Variants in NAP1L4 observed in about 807,000 individuals in gnomAD.
The protein encoded by NAP1L4 is nucleosome assembly protein 1 like 4.
A neutral mutation model predicts 58.2 loss-of-function variants in NAP1L4; 15 were observed. The ratio of observed to expected loss-of-function variants is 0.26; its 90% CI spans 0.17 to 0.40. The LOEUF is 0.40. NAP1L4 is among the 10% of genes least tolerant of loss of function. The pLI, the probability that NAP1L4 is intolerant of heterozygous loss-of-function variation, is 1.00. For synonymous variants in NAP1L4, 171 were observed against 155.6 expected (o/e 1.10, Z -0.74); for missense variants, 384 against 451.1 (o/e 0.85, Z 1.35).
Position 2,971,418 on chromosome 11 carries a change from A to G in NAP1L4, c.402+30T>C, listed in dbSNP as rs1304856896. 15 of 1,591,656 alleles carry G rather than the reference A, an allele frequency of 9.4e-6. No individual in the cohort carries two copies. The highest frequency in any genetic ancestry group is 1.3e-5 in the Non-Finnish European group (15 of 1,161,576). ...CTTATTTTTAACAGTATTAAAACAG[A>G]ACATGAGTCACATGTTTCTAAAGAC... On this transcript the variant is annotated intron_variant, in intron 6 of 15. Transcript: ENST00000380542. The surrounding 1 kb of genome is among the most constrained non-coding windows in gnomAD (Gnocchi z 4.2).
chr11:2,950,045 G>A (rs954773680), intron 14 of NAP1L4, among the ~76,000 whole-genome samples: 2 of 152,240 alleles, frequency 1.3e-5, no homozygotes, highest in Admixed American at 1.3e-4. Flanking sequence ...GCACAGCAGT[G>A]ATGGGCAGCA....
intron 7 of NAP1L4, among the ~76,000 whole-genome samples, chr11:2,967,715 C>T (rs915496771): frequency 6.6e-6 from 1 of 151,996 alleles, no homozygotes; most frequent in African/African-American, 2.4e-5. Flanking sequence ...TTTCCTCATT[C>T]TCTGCATATT....
At chr11:2,947,579 A>G (rs11024708) in intron 15 of NAP1L4, among the ~76,000 whole-genome samples, 44,102 of 152,010 alleles carry the variant, frequency 0.29, 7,614 homozygotes, top group East Asian at 0.69. Flanking sequence ...AATTTTACAT[A>G]TGAGAGACAC....
At chr11:2,961,259 C>T (rs911266394) in intron 8 of NAP1L4, among the ~76,000 whole-genome samples, 2 of 152,042 alleles carry the variant, frequency 1.3e-5, no homozygotes, top group African/African-American at 4.8e-5. Context: ...GGCATGAGGG[C>T]TTAGGAAGTC....
intron 4 of NAP1L4, among the ~76,000 whole-genome samples, chr11:2,974,271 C>T (rs1847824287): frequency 6.6e-6 from 1 of 152,132 alleles, no homozygotes; most frequent in Non-Finnish European, 1.5e-5. Context: ...ACAAACTGGA[C>T]CCTAGTGTGC....
In NAP1L4 at chr11:2,972,251, A is replaced by G; in HGVS notation, c.174-8T>C. ...TTTACTGCTTTAGGTAAACTAAAAA[A>G]GGGAGTAAGAAATACAACATCCTCA... On this transcript the variant is annotated splice_region_variant and splice_polypyrimidine_tract_variant and intron_variant, in intron 4 of 15. Coordinates refer to ENST00000380542, the MANE Select transcript of NAP1L4 (RefSeq NM_005969.4). The G allele has an allele frequency of 6.3e-7, 1 of 1,594,944 alleles. No individual in the cohort carries two copies. The highest frequency in any genetic ancestry group is 1.4e-5 in the African/African-American group (1 of 73,720).
At chr11:2,992,231 G>C (rs1849021325) in intron 1 of NAP1L4, 23 bp downstream of exon 1, 1 of 152,580 alleles carries the variant, frequency 6.6e-6, no homozygotes, top group South Asian at 1.8e-4. Flanking sequence ...GCCGTTACCG[G>C]CCCAGCACCC....
rs1846230200 is a variant in NAP1L4, at chr11:2,951,600, A to C, written c.1065+180T>G. On this transcript the variant is annotated intron_variant, in intron 13 of 15. Transcript: ENST00000380542. The surrounding 1 kb of genome is among the most constrained non-coding windows in gnomAD (Gnocchi z 4.0). The stretch of plus-strand genomic sequence containing the variant: ...CCAACTGCAGGGTCAAAAACGATGG[A>C]AACTGTCACAGCATTTGCTATGCAT... 6.6e-6 allele frequency among the ~76,000 whole-genome samples: 1 copy of C among 152,250 alleles called. No homozygotes were observed. Among genetic ancestry groups the C allele is most frequent in the Non-Finnish European group, 1.5e-5 (1 of 68,044 alleles).
At chr11:2,979,038 T>C (rs572667411) in intron 2 of NAP1L4, among the ~76,000 whole-genome samples, 169 bp downstream of exon 2, 3 of 152,348 alleles carry the variant, frequency 2.0e-5, no homozygotes, top group East Asian at 1.9e-4. Context: ...GCACTGTTCA[T>C]GTCGGAAGTA....
intron 1 of NAP1L4, among the ~76,000 whole-genome samples, chr11:2,988,379 T>C (rs1194278184): frequency 6.6e-6 from 1 of 152,216 alleles, no homozygotes; most frequent in Non-Finnish European, 1.5e-5. Context: ...TCCCTACTCC[T>C]CTGCACTGTT....
At position 2,976,051 on chromosome 11, in the gene NAP1L4, G is replaced by A. The variant is rs776803618; in HGVS notation, c.146C>T (p.Pro49Leu). The part of the protein sequence containing the change: ...AALQERLDNV[P>L]HTPSSYIETL... ...TTCGATGTAGCTGGAAGGGGTGTGA[G>A]GGACATTGTCAAGTCGCTCCTGTAA... is the stretch of plus-strand genomic sequence containing the variant. The change falls in exon 4 of 16, where the codon CCT (proline) becomes CTT (leucine). Residue 49 changes from proline (P) to leucine (L), a missense_variant. Physicochemically the swap from Pro to Leu is moderately conservative, Grantham distance 98. Coordinates refer to ENST00000380542, the MANE Select transcript of NAP1L4 (RefSeq NM_005969.4). 4.3e-6 allele frequency: 7 copies of A among 1,613,870 alleles called. No individual in the cohort carries two copies. The South Asian group carries it at 5.5e-5, about 13-fold the overall frequency.
At chr11:2,965,355 C>A (rs952524034) in intron 7 of NAP1L4, among the ~76,000 whole-genome samples, 2 of 152,214 alleles carry the variant, frequency 1.3e-5, no homozygotes. Flanking sequence ...CGCTGCAAAC[C>A]TGAACAGCAT....
At chr11:2,979,143 T>C in intron 2 of NAP1L4, 64 bp downstream of exon 2, 1 of 1,491,688 alleles carries the variant, frequency 6.7e-7, no homozygotes. Flanking sequence ...TATTGAAAAA[T>C]GGCTTGGCTG....
chr11:2,991,386 C>T (rs1041035456), intron 1 of NAP1L4: 2 of 241,408 alleles, frequency 8.3e-6, no homozygotes, highest in African/African-American at 2.3e-5. Flanking sequence ...ACCTCTTCCA[C>T]CATCTCTGAA....
rs780096917 is a variant in NAP1L4 at position 2,949,282 on chromosome 11, T to C, written c.1123-18A>G. On this transcript the variant is annotated intron_variant, in intron 14 of 15. Coordinates refer to ENST00000380542, the MANE Select transcript of NAP1L4 (RefSeq NM_005969.4). The surrounding 1 kb of genome is among the most constrained non-coding windows in gnomAD (Gnocchi z 4.0). The stretch of plus-strand genomic sequence containing the variant: ...AATTACACCTAAATGGGGAAAAAAA[T>C]TGAAAGGAACTGTCAGCATGAAAGA... 5.7e-6 allele frequency: 9 copies of C among 1,584,604 alleles called. No individual in the cohort carries two copies. Among genetic ancestry groups the C allele is most frequent in the East Asian group, 2.2e-5 (1 of 44,740 alleles).
At position 2,968,359 on chromosome 11, in the gene NAP1L4, A is replaced by C. The variant is rs184059085; in HGVS notation, c.534+1444T>G. ...GGGTGAGACTACGGCTCTGGTAGAC[A>C]TTACTTAATTTTTCCAATGAAATTC... On this transcript the variant is annotated intron_variant, in intron 7 of 15. Transcript: ENST00000380542. Among the ~76,000 whole-genome samples, 6 of 152,302 alleles carry C rather than the reference A, an allele frequency of 3.9e-5. No individual in the cohort carries two copies. In the East Asian group the frequency reaches 1.2e-3, roughly 29 times the overall value.
At chr11:2,952,071 G>A (rs1846257471) in intron 12 of NAP1L4, 1 of 556,722 alleles carries the variant, frequency 1.8e-6, no homozygotes. Context: ...GGACACAGCT[G>A]GGAACCTGGC....
intron 10 of NAP1L4, among the ~76,000 whole-genome samples, chr11:2,957,616 C>T (rs1349714995): frequency 2.0e-5 from 3 of 152,156 alleles, no homozygotes; most frequent in African/African-American, 4.8e-5. Context: ...GTTGCTTGAC[C>T]TTCACATTTT....
Position 2,962,939 on chromosome 11 carries a change from A to G in NAP1L4, c.606+1741T>C, listed in dbSNP as rs1227310008. ...ACATGGTGAAACCACGTCTCTACTA[A>G]AAATACAAAAATTAGCTGGGCGTGG... On this transcript the variant is annotated intron_variant, in intron 8 of 15. Transcript: ENST00000380542. Among the ~76,000 whole-genome samples, 14 of 151,806 alleles carry G rather than the reference A, an allele frequency of 9.2e-5. 1 individual carries two copies. The highest frequency in any genetic ancestry group is 9.2e-4 in the Admixed American group (14 of 15,264).
Sources: gnomAD v4.1 joint callset for allele counts (sites outside exome capture counted in the v4.1 genomes callset) on GRCh38, gnomAD v4.1.1 for gene constraint, Gnocchi (gnomAD v3.1) non-coding constraint, MANE v1.5 for transcripts, NCBI Gene and HGNC (gene_info 2026-07-23, HGNC 2026-07-21) for gene names.